Variants in TENM1 observed in about 807,000 individuals in gnomAD.
TENM1 encodes the protein teneurin transmembrane protein 1, also known as teneurin-1.
In TENM1, 35 loss-of-function variants were observed where a neutral mutation model predicts 174.8. That is an observed-to-expected ratio of 0.20 (90% CI 0.15 to 0.27). TENM1 has a LOEUF of 0.27. Ranked by LOEUF, TENM1 falls within the 10% of genes least tolerant of loss-of-function variation. The probability of loss-of-function intolerance (pLI) is 1.00; values close to 1 mark genes in which losing one functional copy is unlikely to be tolerated. For missense variants in TENM1, 1,633 were observed against 2,130.1 expected (o/e 0.77, Z 4.59); for synonymous variants, 781 against 798.7 (o/e 0.98, Z 0.37).
intron 19 of TENM1, among the ~76,000 whole-genome samples, chrX:124,499,394 T>C (rs1422837005): frequency 9.0e-6 from 1 of 111,492 alleles, no homozygotes; most frequent in Non-Finnish European, 1.9e-5. Flanking sequence ...CCATCCATCA[T>C]ATAGTATTGG....
chrX:124,955,791 GCGCA>G (rs745999267), intron 1 of TENM1, among the ~76,000 whole-genome samples: 1 of 83,573 alleles, frequency 1.2e-5, no homozygotes, highest in African/African-American at 5.1e-5. Context: ...TACAACACAC[GCGCA>G]CGCACACACA....
the TENM1 span, among the ~76,000 whole-genome samples, chrX:125,192,593 G>A: frequency 9.0e-6 from 1 of 111,551 alleles, no homozygotes; most frequent in South Asian, 3.8e-4. Flanking sequence ...TAATGAATGA[G>A]AAGAAAATTA....
chrX:124,588,953 G>C (rs1416782908), intron 11 of TENM1, among the ~76,000 whole-genome samples: 1 of 110,904 alleles, frequency 9.0e-6, no homozygotes, highest in East Asian at 2.8e-4. Context: ...GGAGTGGTGA[G>C]AGTGGGCATC....
intron 6 of TENM1, among the ~76,000 whole-genome samples, chrX:124,668,917 G>A (rs935670006): frequency 1.8e-5 from 2 of 111,908 alleles, no homozygotes; most frequent in Non-Finnish European, 3.8e-5. Context: ...ATAGGTTTTA[G>A]ATTGGTGAGT....
chrX:125,116,779 A>G, the TENM1 span, among the ~76,000 whole-genome samples: 2 of 112,017 alleles, frequency 1.8e-5, no homozygotes, highest in African/African-American at 6.5e-5. Context: ...TGGGAGGCCA[A>G]TGCGGGTGGA....
At chrX:124,436,497 CTT>C (rs1245308655) in intron 23 of TENM1, among the ~76,000 whole-genome samples, 1 of 100,920 alleles carries the variant, frequency 9.9e-6, no homozygotes, top group Non-Finnish European at 2.0e-5. Context: ...CTGGCATCTT[CTT>C]TTTTTTTTTT....
chrX:124,706,946 CTTTT>C (rs1190388752), intron 4 of TENM1, among the ~76,000 whole-genome samples: 14 of 88,003 alleles, frequency 1.6e-4, no homozygotes, highest in Non-Finnish European at 6.7e-5. Context: ...AGTCCTTAAT[CTTTT>C]TTTTTTTTTT....
chrX:124,641,974 T>C lies in TENM1; in HGVS notation c.1894A>G (p.Met632Val), dbSNP rs16999334. 9,571 of 1,209,537 alleles carry C rather than the reference T, an allele frequency of 7.9e-3. 480 individuals carry two copies. The African/African-American group carries it at 0.14, about 18-fold the overall frequency. Residue 632 changes from methionine to valine, a missense_variant, in exon 11 of 32, where the codon ATG becomes GTG. By Grantham distance (21) the Met-to-Val change is conservative. Transcript: ENST00000422452. The stretch of plus-strand genomic sequence containing the variant: ...ACACAGATGCCATGGTTGGAACACA[T>C]TGGGTCTAGGCAGTCCTCTGAAGGC...
chrX:124,720,539 A>G (rs2053287139), intron 4 of TENM1, among the ~76,000 whole-genome samples: 2 of 111,754 alleles, frequency 1.8e-5, no homozygotes, highest in South Asian at 7.6e-4. Context: ...AGCAAGCTGC[A>G]CCCCAACCAC....
intron 3 of TENM1, among the ~76,000 whole-genome samples, chrX:124,748,643 TTTAC>T (rs906119761): frequency 2.9e-4 from 32 of 111,870 alleles, no homozygotes; most frequent in Non-Finnish European, 5.5e-4. Flanking sequence ...CTGCTACTAA[TTTAC>T]TTACTTAGAG....
chrX:125,162,823 C>G, the TENM1 span, among the ~76,000 whole-genome samples: 1 of 111,496 alleles, frequency 9.0e-6, no homozygotes, highest in East Asian at 2.8e-4. Context: ...TCTCACAACC[C>G]CAACAGTTGC....
At chrX:124,673,040 T>C (rs918424377) in intron 5 of TENM1, among the ~76,000 whole-genome samples, 1 of 111,897 alleles carries the variant, frequency 8.9e-6, no homozygotes, top group Admixed American at 9.5e-5. Flanking sequence ...AAGAAAGCTT[T>C]CGGTTTAAAG....
chrX:124,419,782 C>G (rs1252178185), intron 25 of TENM1, among the ~76,000 whole-genome samples: 1 of 111,744 alleles, frequency 8.9e-6, no homozygotes, highest in African/African-American at 3.3e-5. Context: ...TCAGCATTTG[C>G]CCCACATAAT....
chrX:124,921,572 C>A, intron 1 of TENM1, among the ~76,000 whole-genome samples: 1 of 111,593 alleles, frequency 9.0e-6, no homozygotes, highest in South Asian at 3.7e-4. Context: ...TGCCCTATTG[C>A]TGGACATCCA....
At chrX:124,660,723 C>G (rs2148412915) in intron 6 of TENM1, among the ~76,000 whole-genome samples, 1 of 111,813 alleles carries the variant, frequency 8.9e-6, no homozygotes, top group African/African-American at 3.2e-5. Context: ...CAGACAATAA[C>G]AAGTGTAAGG....
chrX:124,471,381 TATAGTAC>T (rs1569533478), intron 22 of TENM1, among the ~76,000 whole-genome samples: 3 of 36,098 alleles, frequency 8.3e-5, no homozygotes, highest in African/African-American at 3.9e-4. Context: ...TATTATAATA[TATAGTAC>T]TATATATAAT....
At chrX:124,836,637 CG>C (rs2147347100) in intron 3 of TENM1, among the ~76,000 whole-genome samples, 1 of 112,262 alleles carries the variant, frequency 8.9e-6, no homozygotes, top group South Asian at 3.7e-4. Flanking sequence ...CTCCCGATAG[CG>C]GGATTTAACA....
chrX:124,907,781 C>T (rs2057773371), intron 1 of TENM1, among the ~76,000 whole-genome samples: 1 of 112,097 alleles, frequency 8.9e-6, no homozygotes, highest in Admixed American at 9.5e-5. Flanking sequence ...TATGCAAACA[C>T]TAACATAGTA....
At chrX:125,015,194 G>A in the TENM1 span, among the ~76,000 whole-genome samples, 2 of 111,294 alleles carry the variant, frequency 1.8e-5, no homozygotes, top group East Asian at 2.9e-4. Flanking sequence ...AAATAACCTA[G>A]GGTTGCCAGA....
Sources: allele counts gnomAD v4.1 joint callset (sites outside exome capture counted in the v4.1 genomes callset), GRCh38; gene constraint gnomAD v4.1.1; transcripts MANE v1.5; gene names NCBI Gene and HGNC (gene_info 2026-07-23, HGNC 2026-07-21).